The following CDK13 variants were observed in gnomAD, a reference collection of about 807,000 sequenced individuals.
CDK13 encodes the protein cyclin dependent kinase 13, also known as cyclin-dependent kinase 13.
CDK13 carries 40 observed loss-of-function variants against 137.6 expected under a neutral mutation model. That is an observed-to-expected ratio of 0.29 (90% CI 0.23 to 0.38). CDK13 has a LOEUF of 0.38. Among genes scored for constraint, CDK13 ranks in the 10% least tolerant of loss-of-function variants. The probability of loss-of-function intolerance (pLI) is 1.00; values close to 1 mark genes in which losing one functional copy is unlikely to be tolerated. For synonymous variants in CDK13, 869 were observed against 760.1 expected, an observed-to-expected ratio of 1.14 and a Z score of -2.36; for missense variants, 1,704 against 1,951.8, an observed-to-expected ratio of 0.87 and a Z score of 2.39.
At chr7:40,078,541 A>T (rs1786595512) in intron 10 of CDK13, 179 bp from the exon 11 acceptor site, 2 of 306,730 alleles carry the variant, frequency 6.5e-6, no homozygotes, top group Non-Finnish European at 1.2e-5. Context: ...ATTTATTCAA[A>T]GGAAAATTCG....
intron 6 of CDK13, among the ~76,000 whole-genome samples, chr7:40,046,932 G>A (rs1423706866): frequency 1.4e-5 from 2 of 146,074 alleles, no homozygotes; most frequent in Non-Finnish European, 3.0e-5. Context: ...AATCCCAGAA[G>A]TGGAGTTGAG....
chr7:39,992,577 A>T (rs1784486046), intron 2 of CDK13, among the ~76,000 whole-genome samples: 2 of 151,842 alleles, frequency 1.3e-5, no homozygotes, highest in South Asian at 4.2e-4. Context: ...TGATCACAGT[A>T]TCATTGTGAT....
intron 1 of CDK13, among the ~76,000 whole-genome samples, chr7:39,963,967 A>C (rs1055295874): frequency 7.9e-5 from 12 of 152,204 alleles, no homozygotes; most frequent in Non-Finnish European, 1.5e-4. Context: ...CCAGGGATGA[A>C]GCCCACTTGA....
intron 3 of CDK13, chr7:39,998,648 A>G (rs146308348): frequency 6.6e-6 from 1 of 152,018 alleles, no homozygotes; most frequent in African/African-American, 2.4e-5. Flanking sequence ...TAAAATAGCT[A>G]AAAAATACTC....
At chr7:40,048,598 G>T (rs1562748612) in intron 7 of CDK13, 1 of 151,310 alleles carries the variant, frequency 6.6e-6, no homozygotes, top group Admixed American at 6.6e-5. Flanking sequence ...TATAGTTAAA[G>T]AATTTTAAAA....
intron 1 of CDK13, among the ~76,000 whole-genome samples, chr7:39,976,214 A>C (rs1784100932): frequency 6.6e-6 from 1 of 150,520 alleles, no homozygotes; most frequent in African/African-American, 2.4e-5. Flanking sequence ...AATCACTTGA[A>C]CCCGGGAGGC....
At chr7:40,021,773 G>A (rs1785131536) in intron 5 of CDK13, among the ~76,000 whole-genome samples, 1 of 151,592 alleles carries the variant, frequency 6.6e-6, no homozygotes. Flanking sequence ...GAGGTACAGG[G>A]GTATAGGAAA....
At position 40,097,448 on chromosome 7, in the gene CDK13, C is replaced by T. The variant is rs1008203404; in HGVS notation, c.*2468C>T. ...TGATAGTAAAAAATTTTAATGCTTC[C>T]CTTCATAGCATTTAATATTTTAATT... On this transcript the variant is annotated 3_prime_UTR_variant, in exon 14 of 14. Coordinates refer to ENST00000181839, the MANE Select transcript of CDK13 (RefSeq NM_003718.5). The T allele has an allele frequency of 2.6e-5, 4 of 151,802 alleles. No individual in the cohort carries two copies. Among genetic ancestry groups the T allele is most frequent in the Non-Finnish European group, 5.9e-5 (4 of 67,908 alleles). 9.4% of individuals were successfully genotyped at this position (151,802 alleles called of 1,614,324 possible).
chr7:40,051,220 A>G (rs1259006843), intron 7 of CDK13, among the ~76,000 whole-genome samples: 2 of 151,992 alleles, frequency 1.3e-5, no homozygotes, highest in South Asian at 2.1e-4. Context: ...TTAAGAGCAA[A>G]TATCCTATCA....
intron 11 of CDK13, among the ~76,000 whole-genome samples, chr7:40,080,050 C>T (rs1361637198): frequency 1.3e-5 from 2 of 152,180 alleles, no homozygotes; most frequent in Non-Finnish European, 2.9e-5. Flanking sequence ...TGCAGTGGCA[C>T]GATCTCAGCT....
At chr7:40,036,401 G>A (rs1431035125) in intron 5 of CDK13, among the ~76,000 whole-genome samples, 1 of 152,020 alleles carries the variant, frequency 6.6e-6, no homozygotes, top group Non-Finnish European at 1.5e-5. Flanking sequence ...GCGAAACCCT[G>A]TCTCTACCAA....
intron 1 of CDK13, among the ~76,000 whole-genome samples, chr7:39,968,143 T>C (rs926434582): frequency 1.3e-5 from 2 of 152,236 alleles, no homozygotes; most frequent in African/African-American, 4.8e-5. Context: ...TAATGTGTTA[T>C]CAGATATGTG....
chr7:40,000,322 C>T (rs747675028), intron 4 of CDK13, among the ~76,000 whole-genome samples: 6 of 152,066 alleles, frequency 3.9e-5, no homozygotes, highest in African/African-American at 7.2e-5. Flanking sequence ...GCTGAGATCA[C>T]ACCACTGCAC....
chr7:40,052,212 T>C (rs568199044), intron 7 of CDK13, among the ~76,000 whole-genome samples: 6 of 152,346 alleles, frequency 3.9e-5, no homozygotes, highest in African/African-American at 1.4e-4. Flanking sequence ...AGTCTCACTC[T>C]GTCACTCAAG....
intron 11 of CDK13, among the ~76,000 whole-genome samples, chr7:40,082,594 C>G (rs1249976676): frequency 3.4e-5 from 5 of 147,086 alleles, no homozygotes; most frequent in African/African-American, 1.2e-4. Flanking sequence ...AGTTTGAGAT[C>G]AACCTGGCCG....
At chr7:40,039,969 T>G (rs779743254) in intron 5 of CDK13, among the ~76,000 whole-genome samples, 1 of 152,166 alleles carries the variant, frequency 6.6e-6, no homozygotes, top group African/African-American at 2.4e-5. Flanking sequence ...AAAAGTACTT[T>G]TATAGTTCTT....
rs138333007 is a variant in CDK13 at position 39,988,019 on chromosome 7, G to T, written c.1632G>T (p.Gln544His). The stretch of plus-strand genomic sequence containing the variant: ...AAGCAAAAACAAAGCCACCTCTTCA[G>T]GTAACGAAGGTGGAAAATAATTTGA... ...NDKAKTKPPL[Q>H]VTKVENNLIV... Residue 544 changes from glutamine (Q) to histidine (H), a missense_variant, in exon 2 of 14, where the codon CAG becomes CAT. By Grantham distance (24) the Gln-to-His change is conservative (BLOSUM62 0). This residue lies in a region of CDK13 where 1,051 missense variants were observed against 931.0 expected (regional missense o/e 1.13). Transcript: ENST00000181839. 204 of 1,614,064 alleles carry T rather than the reference G, an allele frequency of 1.3e-4. No individual in the cohort carries two copies. The East Asian group carries it at 4.4e-3, about 35-fold the overall frequency.
intron 5 of CDK13, among the ~76,000 whole-genome samples, chr7:40,024,448 A>G (rs1785194534): frequency 6.6e-6 from 1 of 152,152 alleles, no homozygotes. Context: ...ATTTCTTGCT[A>G]AAAGTAATAA....
intron 1 of CDK13, among the ~76,000 whole-genome samples, chr7:39,957,143 A>G (rs1787432745): frequency 7.1e-6 from 1 of 141,314 alleles, no homozygotes; most frequent in Non-Finnish European, 1.5e-5. Context: ...TTTGGTAGAG[A>G]TGGTGTTTTA....
Sources: allele counts gnomAD v4.1 joint callset (sites outside exome capture counted in the v4.1 genomes callset), GRCh38; gene constraint gnomAD v4.1.1; regional missense constraint gnomAD v4.1.1; transcripts MANE v1.5; gene names NCBI Gene and HGNC (gene_info 2026-07-23, HGNC 2026-07-21).